Variants in GLG1 observed in about 807,000 individuals in gnomAD.
GLG1 encodes the protein golgi glycoprotein 1, also known as Golgi apparatus protein 1.
Under a neutral mutation model 160.5 loss-of-function variants are expected in GLG1, and 38 were observed. The ratio of observed to expected loss-of-function variants is 0.24; its 90% confidence interval spans 0.18 to 0.31. GLG1 has a LOEUF of 0.31. Ranked by LOEUF, GLG1 falls within the 10% of genes least tolerant of loss-of-function variation. The pLI is 1.00. For missense variants in GLG1, 1,373 were observed against 1,505.2 expected (o/e 0.91, Z 1.45); for synonymous variants, 644 against 543.4 (o/e 1.19, Z -2.57).
chr16:74,586,642 T>C (rs542633755), intron 1 of GLG1, among the ~76,000 whole-genome samples: 4 of 152,214 alleles, frequency 2.6e-5, no homozygotes, highest in African/African-American at 9.6e-5. Flanking sequence ...GCCTGGCTAA[T>C]TTTTTTGTTT....
chr16:74,543,554 T>C (rs962273339), intron 1 of GLG1, among the ~76,000 whole-genome samples: 3 of 152,136 alleles, frequency 2.0e-5, no homozygotes, highest in African/African-American at 7.2e-5. Context: ...GATAAAATCC[T>C]CAAAAAGTCC....
At chr16:74,579,744 A>G (rs1464022644) in intron 1 of GLG1, among the ~76,000 whole-genome samples, 2 of 150,536 alleles carry the variant, frequency 1.3e-5, no homozygotes, top group Non-Finnish European at 3.0e-5. Context: ...AAACAAAACA[A>G]AAAACCCTCA....
In GLG1 at chr16:74,453,094, G is replaced by C. The variant is rs548209844; in HGVS notation, c.*73C>G. The C allele has an allele frequency of 3.9e-4, 617 of 1,562,626 alleles. 2 individuals are homozygous for C. The African/African-American group carries it at 7.6e-3, about 19-fold the overall frequency. ...GTCACTTCTGAGAAGAGCGAGGTGA[G>C]TGGGGATGCTATACAAGAGGGCTGT... On this transcript the variant is annotated 3_prime_UTR_variant, in exon 26 of 26. Transcript: ENST00000422840.
chr16:74,484,400 C>T (rs958067251), intron 9 of GLG1, among the ~76,000 whole-genome samples: 13 of 151,952 alleles, frequency 8.6e-5, no homozygotes, highest in African/African-American at 1.4e-4. Context: ...ATGGCACGAT[C>T]TTGGCTTCAC....
Position 74,462,527 on chromosome 16 carries a change from T to C in GLG1, c.2895A>G (p.Gly965=), listed in dbSNP as rs779352942. The change falls in exon 21 of 26, where the codon GGA becomes GGG. Residue 965 remains glycine, a synonymous_variant. Transcript: ENST00000422840. ...TCAGCTTCAGGCAAGAGATGACTTG[T>C]CCTTCTAATTCTGAATCATCCTTGG... ...TKAKDDSELE[G]QVISCLKLRY... The C allele has an allele frequency of 2.2e-5, 35 of 1,613,876 alleles. No homozygotes were observed. In the East Asian group the frequency reaches 7.8e-4, roughly 36 times the overall value.
chr16:74,584,967 G>C (rs928143823), intron 1 of GLG1, among the ~76,000 whole-genome samples: 1 of 152,014 alleles, frequency 6.6e-6, no homozygotes, highest in Non-Finnish European at 1.5e-5. Flanking sequence ...TACAATGCTC[G>C]AGTAATGGGT....
chr16:74,575,008 G>GC (rs2018955713), intron 1 of GLG1, among the ~76,000 whole-genome samples: 1 of 23,214 alleles, frequency 4.3e-5, no homozygotes, highest in Admixed American at 3.0e-4. Flanking sequence ...TGGGAGGCCG[G>GC]GGGGGGGGGG....
chr16:74,600,724 T>A (rs1597388436), intron 1 of GLG1, among the ~76,000 whole-genome samples: 1 of 107,676 alleles, frequency 9.3e-6, no homozygotes, highest in African/African-American at 4.1e-5. Flanking sequence ...TGAGAAAGAT[T>A]CCACCTCAAA....
chr16:74,453,136 A>C lies in GLG1; in HGVS notation c.*31T>G. 1 of 1,609,326 alleles carries C rather than the reference A, an allele frequency of 6.2e-7. No individual in the cohort carries two copies. The highest frequency in any genetic ancestry group is 8.5e-7 in the Non-Finnish European group (1 of 1,177,326). ...GAGGGCTGTACAAACTGGGCACTGGATAGGTAGTTCCTTTGGTGGTCAAGG... is the reference window on the plus strand; with the variant it reads ...GAGGGCTGTACAAACTGGGCACTGGCTAGGTAGTTCCTTTGGTGGTCAAGG... On this transcript the variant is annotated 3_prime_UTR_variant, in exon 26 of 26. Transcript: ENST00000422840.
chr16:74,575,114 G>C (rs1356578714), intron 1 of GLG1, among the ~76,000 whole-genome samples: 1 of 148,624 alleles, frequency 6.7e-6, no homozygotes, highest in Non-Finnish European at 1.5e-5. Context: ...GGGCATGATG[G>C]TGGGTGCCTG....
At chr16:74,519,095 T>C (rs997116599) in intron 2 of GLG1, among the ~76,000 whole-genome samples, 7 of 152,164 alleles carry the variant, frequency 4.6e-5, no homozygotes, top group African/African-American at 1.4e-4. Context: ...CAAATGTCCA[T>C]CAATGATAGA....
chr16:74,481,817 C>T (rs1049657114), intron 10 of GLG1, among the ~76,000 whole-genome samples: 4 of 152,218 alleles, frequency 2.6e-5, no homozygotes, highest in Non-Finnish European at 5.9e-5. Context: ...CGGAGTCTCG[C>T]TCTGTCTCCC....
chr16:74,486,314 T>C (rs944499187), intron 8 of GLG1, among the ~76,000 whole-genome samples: 2 of 152,220 alleles, frequency 1.3e-5, no homozygotes, highest in Non-Finnish European at 2.9e-5. Context: ...AGAGACCTAA[T>C]TGGGTCATAA....
At chr16:74,586,078 A>C (rs969167605) in intron 1 of GLG1, among the ~76,000 whole-genome samples, 1 of 152,040 alleles carries the variant, frequency 6.6e-6, no homozygotes, top group South Asian at 2.1e-4. Flanking sequence ...AAAAAAAAAA[A>C]AACAAGAACA....
intron 25 of GLG1, among the ~76,000 whole-genome samples, chr16:74,453,624 G>A (rs142102000): frequency 1.3e-5 from 2 of 152,148 alleles, no homozygotes; most frequent in African/African-American, 2.4e-5. Flanking sequence ...AAGATGTGTC[G>A]GGCCCTGGAC....
chr16:74,606,623 G>A, intron 1 of GLG1, 34 bp downstream of exon 1: 1 of 1,522,912 alleles, frequency 6.6e-7, no homozygotes, highest in Non-Finnish European at 8.8e-7. Context: ...CCCGCACCAG[G>A]CCTGGCCCTC....
Position 74,517,151 on chromosome 16 carries a change from T to C in GLG1, c.472-8226A>G, listed in dbSNP as rs191612665. On this transcript the variant is annotated intron_variant, in intron 2 of 25. Coordinates refer to ENST00000422840, the MANE Select transcript of GLG1 (RefSeq NM_001145667.2). ...AAAGAGGAGCTGGTACCATTCCTTC[T>C]GAAACTATTCCAATCAATAGAAAAA... Among the ~76,000 whole-genome samples, 648 of 152,320 alleles carry C rather than the reference T, an allele frequency of 4.3e-3. 3 individuals carry two copies. Among genetic ancestry groups the C allele is most frequent in the African/African-American group, 0.015 (611 of 41,568 alleles).
intron 2 of GLG1, among the ~76,000 whole-genome samples, chr16:74,511,630 C>T (rs1250733031): frequency 4.1e-5 from 6 of 147,456 alleles, no homozygotes; most frequent in Admixed American, 4.0e-4. Flanking sequence ...AAAAGAAAAG[C>T]TTTCTGGTAT....
intron 10 of GLG1, among the ~76,000 whole-genome samples, chr16:74,482,408 G>A (rs2015633891): frequency 6.6e-6 from 1 of 152,202 alleles, no homozygotes; most frequent in Non-Finnish European, 1.5e-5. Flanking sequence ...AGCACTGGCT[G>A]CTTTGGAGGT....
Sources: gnomAD v4.1 joint callset for allele counts (sites outside exome capture counted in the v4.1 genomes callset) on GRCh38, gnomAD v4.1.1 for gene constraint, MANE v1.5 for transcripts, NCBI Gene and HGNC (gene_info 2026-07-23, HGNC 2026-07-21) for gene names.